The following DNAH10 variants were observed in gnomAD, a reference collection of about 807,000 sequenced individuals.
The protein encoded by DNAH10 is axonemal beta dynein heavy chain 10.
In DNAH10, 348 loss-of-function variants were observed where a neutral mutation model predicts 506.6. The observed-to-expected ratio is 0.69, with a 90% CI of 0.63 to 0.75. DNAH10 has a LOEUF of 0.75. Ranked by LOEUF, DNAH10 falls within the 30% of genes least tolerant of loss-of-function variation. The pLI, the probability that DNAH10 is intolerant of heterozygous loss-of-function variation, is 0.00. For synonymous variants in DNAH10, 2,059 were observed against 2,198.6 expected, an observed-to-expected ratio of 0.94 and a Z score of 1.78; for missense variants, 5,179 against 5,787.1, an observed-to-expected ratio of 0.89 and a Z score of 3.41.
Position 123,870,495 on chromosome 12 carries a change from A to G in DNAH10, c.7639+10A>G. The G allele has an allele frequency of 6.2e-7, 1 of 1,612,230 alleles. No homozygotes were observed. Among genetic ancestry groups the G allele is most frequent in the Non-Finnish European group, 8.5e-7 (1 of 1,179,450 alleles). On this transcript the variant is annotated intron_variant, in intron 44 of 78. Transcript: ENST00000673944. The stretch of plus-strand genomic sequence containing the variant: ...TTCATCAACATCCTGGGTAAGTCAG[A>G]GTCAAATCCTTGTTCCTGGGTTTAG...
chr12:123,904,874 C>T (rs1953703770), intron 57 of DNAH10, among the ~76,000 whole-genome samples: 1 of 152,162 alleles, frequency 6.6e-6, no homozygotes, highest in Non-Finnish European at 1.5e-5. Context: ...AAAAGGTATG[C>T]TGGGAAAAGC....
intron 4 of DNAH10, 130 bp from the exon 5 acceptor site, chr12:123,774,019 T>C: frequency 1.5e-6 from 1 of 656,378 alleles, no homozygotes; most frequent in South Asian, 2.0e-5. Flanking sequence ...TAGGGGATAT[T>C]CTGAATCTGT....
At chr12:123,924,116 T>G in intron 66 of DNAH10, 162 bp from the exon 67 acceptor site, 3 of 954,458 alleles carry the variant, frequency 3.1e-6, no homozygotes, top group Non-Finnish European at 4.5e-6. Context: ...GAGCGCCTGG[T>G]TGGTGTCACT....
At chr12:123,847,844 G>A (rs1222996556) in intron 32 of DNAH10, 117 bp from the exon 33 acceptor site, 7 of 1,384,638 alleles carry the variant, frequency 5.1e-6, no homozygotes, top group Non-Finnish European at 6.8e-6. Context: ...ACACATGAAA[G>A]CAAACACCAC....
intron 37 of DNAH10, among the ~76,000 whole-genome samples, chr12:123,858,636 C>T (rs780643347): frequency 3.3e-5 from 5 of 152,088 alleles, no homozygotes; most frequent in South Asian, 2.1e-4. Context: ...CATGAATGTC[C>T]GGAGCAGCAT....
intron 5 of DNAH10, among the ~76,000 whole-genome samples, chr12:123,774,868 G>T (rs894058851): frequency 1.5e-4 from 23 of 152,324 alleles, no homozygotes; most frequent in Non-Finnish European, 1.8e-4. Context: ...CCAGTTTGTG[G>T]CCAGATTTTG....
At chr12:123,840,813 C>A (rs7313666) in intron 29 of DNAH10, among the ~76,000 whole-genome samples, 1 of 152,136 alleles carries the variant, frequency 6.6e-6, no homozygotes, top group African/African-American at 2.4e-5. Context: ...AAGTGTTTAA[C>A]AACATGCCAG....
intron 78 of DNAH10, 105 bp downstream of exon 78, chr12:123,934,871 C>T (rs1302574845): frequency 4.8e-6 from 7 of 1,445,960 alleles, no homozygotes; most frequent in East Asian, 2.4e-5. Flanking sequence ...AACAGGGGTG[C>T]CTAAGCTTTA....
chr12:123,933,398 C>T lies in DNAH10; in HGVS notation c.13364C>T (p.Ala4455Val), dbSNP rs778291560. ...GLHIPESYLTALVQATCRKNG... is the reference protein window; with the variant it reads ...GLHIPESYLTVLVQATCRKNG... ...CACATCCCTGAGTCCTACCTCACGGCGCTGGTGCAGGCCACCTGCCGGAAG... is the reference window on the plus strand; with the variant it reads ...CACATCCCTGAGTCCTACCTCACGGTGCTGGTGCAGGCCACCTGCCGGAAG... The change falls in exon 77 of 79, where the codon GCG (alanine) becomes GTG (valine). Residue 4455 changes from alanine (A) to valine (V), a missense_variant. By Grantham distance (64) the Ala-to-Val change is moderately conservative. Coordinates refer to ENST00000673944, the MANE Select transcript of DNAH10 (RefSeq NM_001372106.1). 1.4e-5 allele frequency: 23 copies of T among 1,611,718 alleles called. No individual in the cohort carries two copies. The highest frequency in any genetic ancestry group is 1.3e-4 in the Admixed American group (8 of 59,940).
rs561250882 is a variant in DNAH10, at chr12:123,790,035, A to T, written c.1729A>T (p.Met577Leu). ...CAGAGTGGACGGCCTAGTCACCCCC[A>T]TGGAAAACCTGACCTTTGACCCCTT... ...LCRVDGLVTP[M>L]ENLTFDPFSI... The change falls in exon 11 of 79, where the codon ATG (methionine) becomes TTG (leucine). Residue 577 changes from methionine to leucine, a missense_variant. Transcript: ENST00000673944. The T allele has an allele frequency of 6.2e-6, 10 of 1,614,132 alleles. No homozygotes were observed. In the East Asian group the frequency reaches 1.6e-4, roughly 25 times the overall value.
At position 123,813,631 on chromosome 12, in the gene DNAH10, A is replaced by C; in HGVS notation, c.3612A>C (p.Glu1204Asp). The C allele has an allele frequency of 6.2e-7, 1 of 1,614,098 alleles. No homozygotes were observed. Residue 1204 changes from glutamate to aspartate, a missense_variant, in exon 20 of 79, where the codon GAA (glutamate) becomes GAC (aspartate). Coordinates refer to ENST00000673944, the MANE Select transcript of DNAH10 (RefSeq NM_001372106.1). The stretch of plus-strand genomic sequence containing the variant: ...AAGAGGAGCTCTATAATCTCCATGA[A>C]GAGATGGAGGTACTCAATCGCTGTG... ...SAKEELYNLHEEMEHLAKNLR... is the reference protein window; with the variant it reads ...SAKEELYNLHDEMEHLAKNLR...
Position 123,859,184 on chromosome 12 carries a change from T to C in DNAH10, c.6665T>C (p.Leu2222Ser). The change falls in exon 38 of 79, where the codon TTA becomes TCA. Residue 2222 changes from leucine (L) to serine (S), a missense_variant. Physicochemically the swap from Leu to Ser is moderately radical, Grantham distance 145 (BLOSUM62 -2). Around this residue, in one of 3 missense-constraint regions of DNAH10, gnomAD observed 4,844 missense variants for 5,430.5 expected, o/e 0.89. Transcript: ENST00000673944. ...GTGGTTCAAATGTTCGAGACCATGT[T>C]AACCCGCCACACGACGATGGTGGTG... Reference protein sequence around the residue: ...DKVVQMFETMLTRHTTMVVGP... With the variant: ...DKVVQMFETMSTRHTTMVVGP... The C allele has an allele frequency of 1.2e-6, 2 of 1,611,950 alleles. No individual in the cohort carries two copies. The highest frequency in any genetic ancestry group is 1.7e-6 in the Non-Finnish European group (2 of 1,179,246).
intron 5 of DNAH10, among the ~76,000 whole-genome samples, chr12:123,774,921 AGGCAAT>A (rs1957385094): frequency 6.6e-6 from 1 of 152,336 alleles, no homozygotes; most frequent in African/African-American, 2.4e-5. Context: ...TGGACAGGAC[AGGCAAT>A]GGCCCTGCTC....
At position 123,931,928 on chromosome 12, in the gene DNAH10, T is replaced by A; in HGVS notation, c.13129-13T>A. 6.2e-7 allele frequency: 1 copy of A among 1,613,888 alleles called. No individual in the cohort carries two copies. Among genetic ancestry groups the A allele is most frequent in the African/African-American group, 1.3e-5 (1 of 75,034 alleles). On this transcript the variant is annotated splice_polypyrimidine_tract_variant and intron_variant, in intron 75 of 78. Coordinates refer to ENST00000673944, the MANE Select transcript of DNAH10 (RefSeq NM_001372106.1). ...TGATAGAGTCCTGCCCGATTGCTCT[T>A]GATTCTAAATAGGCCTTGGCTGGAG...
At position 123,783,136 on chromosome 12, in the gene DNAH10, A is replaced by G. The variant is rs759342115; in HGVS notation, c.871A>G (p.Ser291Gly). 6.2e-7 allele frequency: 1 copy of G among 1,614,030 alleles called. No homozygotes were observed. The highest frequency in any genetic ancestry group is 8.5e-7 in the Non-Finnish European group (1 of 1,180,018). ...GEIKLEMPII[S>G]VEGEVSDLAA... Reference sequence around the variant, plus strand: ...GATCAAGTTAGAAATGCCAATCATCAGTGTGGAGGGAGAGGTGTCTGACCT... The same window carrying G: ...GATCAAGTTAGAAATGCCAATCATCGGTGTGGAGGGAGAGGTGTCTGACCT... Residue 291 changes from serine (S) to glycine (G), a missense_variant, in exon 7 of 79, where the codon AGT becomes GGT. Ser to Gly is a moderately conservative substitution (Grantham distance 56, BLOSUM62 0). Transcript: ENST00000673944.
At position 123,853,898 on chromosome 12, in the gene DNAH10, G is replaced by A. The variant is rs1295169612; in HGVS notation, c.6438+546G>A. Among the ~76,000 whole-genome samples, 2 of 145,790 alleles carry A rather than the reference G, an allele frequency of 1.4e-5. No individual in the cohort carries two copies. The highest frequency in any genetic ancestry group is 2.0e-4 in the East Asian group (1 of 4,948). ...GATACATGCACGCGCACACACGTACGCACGCACATGTACACATACGCACAC... is the reference window on the plus strand; with the variant it reads ...GATACATGCACGCGCACACACGTACACACGCACATGTACACATACGCACAC... On this transcript the variant is annotated intron_variant, in intron 36 of 78. Transcript: ENST00000673944. The surrounding 1 kb of genome is among the most constrained non-coding windows in gnomAD (Gnocchi z 4.7).
At chr12:123,861,351 A>ATG (rs1951604992) in intron 39 of DNAH10, among the ~76,000 whole-genome samples, 181 bp downstream of exon 39, 1 of 152,144 alleles carries the variant, frequency 6.6e-6, no homozygotes, top group Non-Finnish European at 1.5e-5. Context: ...TTTATGTGTG[A>ATG]CCTCAGTTGT....
chr12:123,772,923 T>C lies in DNAH10; in HGVS notation c.486T>C (p.Phe162=), dbSNP rs559060954. Residue 162 remains phenylalanine (F), a synonymous_variant, in exon 4 of 79, where the codon TTT becomes TTC. Coordinates refer to ENST00000673944, the MANE Select transcript of DNAH10 (RefSeq NM_001372106.1). The part of the protein sequence containing the change: ...PEEFLDQNVV[F]FLRNTKEAIS... Reference sequence around the variant, plus strand: ...AGTTCCTGGACCAAAACGTGGTGTTTTTCCTCAGAAATACCAAAGGTACAT... The same window carrying C: ...AGTTCCTGGACCAAAACGTGGTGTTCTTCCTCAGAAATACCAAAGGTACAT... 3 of 1,612,614 alleles carry C rather than the reference T, an allele frequency of 1.9e-6. No individual in the cohort carries two copies. The highest frequency in any genetic ancestry group is 2.5e-6 in the Non-Finnish European group (3 of 1,179,256).
At chr12:123,813,123 T>C (rs1959005236) in intron 19 of DNAH10, 41 bp from the exon 20 acceptor site, 3 of 1,491,628 alleles carry the variant, frequency 2.0e-6, no homozygotes, top group Non-Finnish European at 2.7e-6. Context: ...GCAAAATAGA[T>C]ACTAAAATAC....
Sources: allele counts gnomAD v4.1 joint callset (sites outside exome capture counted in the v4.1 genomes callset), GRCh38; gene constraint gnomAD v4.1.1; regional missense constraint gnomAD v4.1.1; non-coding constraint Gnocchi (gnomAD v3.1); transcripts MANE v1.5; gene names NCBI Gene and HGNC (gene_info 2026-07-23, HGNC 2026-07-21).